Variants in RNF111 observed in about 807,000 individuals in gnomAD.
RNF111 encodes the protein E3 ubiquitin-protein ligase Arkadia.
Under a neutral mutation model 95.1 loss-of-function variants are expected in RNF111, and 17 were observed. That is an observed-to-expected ratio of 0.18 (90% CI 0.12 to 0.27). RNF111 has a LOEUF of 0.27. RNF111 is among the 10% of genes least tolerant of loss of function. The pLI is 1.00. For synonymous variants in RNF111, 440 were observed against 414.8 expected (o/e 1.06, Z -0.74); for missense variants, 1,189 against 1,210.4 (o/e 0.98, Z 0.26).
At chr15:59,055,611 G>C (rs2042170099) in intron 3 of RNF111, 71 bp from the exon 4 acceptor site, 6 of 1,172,254 alleles carry the variant, frequency 5.1e-6, no homozygotes, top group South Asian at 3.8e-5. Flanking sequence ...AGTAAGAAAG[G>C]CTTATGGGTT....
intron 1 of RNF111, among the ~76,000 whole-genome samples, chr15:58,988,739 A>G (rs545997775): frequency 6.6e-6 from 1 of 152,336 alleles, no homozygotes; most frequent in South Asian, 2.1e-4. Context: ...ATTATTCAAA[A>G]AATACCAGAA....
intron 2 of RNF111, among the ~76,000 whole-genome samples, chr15:59,043,240 C>T (rs1341593165): frequency 2.6e-5 from 4 of 151,728 alleles, no homozygotes; most frequent in Non-Finnish European, 5.9e-5. Context: ...CTGCAGCCTC[C>T]GCCTCCAGGG....
intron 2 of RNF111, among the ~76,000 whole-genome samples, chr15:59,034,836 T>C (rs1241698088): frequency 6.6e-6 from 1 of 152,248 alleles, no homozygotes; most frequent in African/African-American, 2.4e-5. Context: ...ATTTACTACA[T>C]GTTAATATGA....
At chr15:59,084,928 T>C (rs1436995336) in intron 9 of RNF111, among the ~76,000 whole-genome samples, 23 of 152,210 alleles carry the variant, frequency 1.5e-4, no homozygotes, top group African/African-American at 5.5e-4. Context: ...ATCTTACTTT[T>C]CACATCTTCT....
At chr15:59,015,643 A>G (rs2040029465) in intron 1 of RNF111, among the ~76,000 whole-genome samples, 1 of 151,846 alleles carries the variant, frequency 6.6e-6, no homozygotes, top group South Asian at 2.1e-4. Flanking sequence ...AAAAAGAACA[A>G]AAGAACCTAC....
At chr15:59,073,073 G>A (rs1461227009) in intron 6 of RNF111, among the ~76,000 whole-genome samples, 1 of 152,094 alleles carries the variant, frequency 6.6e-6, no homozygotes. Context: ...TTGGGAGGCT[G>A]AAGTTGGGAG....
At chr15:59,046,043 T>C (rs1250353277) in intron 2 of RNF111, among the ~76,000 whole-genome samples, 2 of 152,240 alleles carry the variant, frequency 1.3e-5, no homozygotes, top group South Asian at 2.1e-4. Context: ...ATAAATGTTA[T>C]GTTTTCTAAT....
intron 1 of RNF111, among the ~76,000 whole-genome samples, chr15:59,017,420 A>G (rs887048202): frequency 6.6e-6 from 1 of 152,192 alleles, no homozygotes; most frequent in African/African-American, 2.4e-5. Flanking sequence ...ATTTCGAAAT[A>G]TGGTTTAATT....
rs1030980152 is a variant in RNF111 at position 59,095,780 on chromosome 15, T to C, written c.*880T>C. ...AAAAAGACATGTAGAATTTGTTGTC[T>C]TCTGCTAAGCACGAAAAGTTAAGAT... On this transcript the variant is annotated 3_prime_UTR_variant, in exon 14 of 14. Coordinates refer to ENST00000348370, the MANE Select transcript of RNF111 (RefSeq NM_017610.8). The C allele has an allele frequency of 5.3e-6, 2 of 380,028 alleles. No individual in the cohort carries two copies. The highest frequency in any genetic ancestry group is 9.3e-6 in the Non-Finnish European group (2 of 214,784). 23.5% of individuals were successfully genotyped at this position (380,028 alleles called of 1,614,324 possible).
At chr15:59,058,106 T>G (rs1362108011) in intron 4 of RNF111, among the ~76,000 whole-genome samples, 1 of 152,242 alleles carries the variant, frequency 6.6e-6, no homozygotes, top group Non-Finnish European at 1.5e-5. Flanking sequence ...GAAAAACTGT[T>G]AAATCACCTA....
Position 59,084,266 on chromosome 15 carries a change from C to G in RNF111, c.2423+12C>G, listed in dbSNP as rs1566942591. The G allele has an allele frequency of 6.4e-7, 1 of 1,566,684 alleles. No homozygotes were observed. ...GAGAGGTCTGCCTGGTCAGTATCTT[C>G]TTTAATTTCAAAACAGTGCTTCACA... On this transcript the variant is annotated intron_variant, in intron 9 of 13. Coordinates refer to ENST00000348370, the MANE Select transcript of RNF111 (RefSeq NM_017610.8).
chr15:59,046,910 C>T (rs1370639256), intron 2 of RNF111, among the ~76,000 whole-genome samples: 3 of 151,952 alleles, frequency 2.0e-5, no homozygotes, highest in Admixed American at 6.6e-5. Context: ...CTCTGTTGTC[C>T]AGGCTGGAGT....
rs535610926 is a variant in RNF111, at chr15:59,079,085, A to G, written c.1949-1851A>G. Reference sequence around the variant, plus strand: ...AGAGGAAGGGAAAGGGTTTTTGGGAATGTGGAATATGTCACTCTTAAAATG... The same window carrying G: ...AGAGGAAGGGAAAGGGTTTTTGGGAGTGTGGAATATGTCACTCTTAAAATG... On this transcript the variant is annotated intron_variant, in intron 7 of 13. Coordinates refer to ENST00000348370, the MANE Select transcript of RNF111 (RefSeq NM_017610.8). Among the ~76,000 whole-genome samples, 4 of 152,304 alleles carry G rather than the reference A, an allele frequency of 2.6e-5. No homozygotes were observed. In the South Asian group the frequency reaches 8.3e-4, roughly 32 times the overall value.
chr15:59,058,403 A>T lies in RNF111; in HGVS notation c.1219A>T (p.Thr407Ser). 1 of 1,614,120 alleles carries T rather than the reference A, an allele frequency of 6.2e-7. No individual in the cohort carries two copies. ...TTSARMESQA[T>S]SASINNSNPS... is the part of the protein sequence containing the mutation. ...TTCTGCAAGAATGGAATCACAAGCTACTAGCGCTTCCATTAACAATTCAAA... is the reference window on the plus strand; with the variant it reads ...TTCTGCAAGAATGGAATCACAAGCTTCTAGCGCTTCCATTAACAATTCAAA... The change falls in exon 5 of 14, where the codon ACT (threonine) becomes TCT (serine). Residue 407 changes from threonine to serine, a missense_variant. Thr to Ser is a moderately conservative substitution (Grantham distance 58). Around this residue, in one of 2 missense-constraint regions of RNF111, gnomAD observed 1,024 missense variants for 925.9 expected, o/e 1.11. Transcript: ENST00000348370.
intron 7 of RNF111, among the ~76,000 whole-genome samples, 154 bp from the exon 8 acceptor site, chr15:59,080,782 A>G (rs1291818754): frequency 1.3e-5 from 2 of 152,210 alleles, no homozygotes; most frequent in Non-Finnish European, 2.9e-5. Context: ...GAAGGGAGCA[A>G]GTTGCTTGAG....
chr15:58,991,542 A>G (rs892903856), intron 1 of RNF111, among the ~76,000 whole-genome samples: 2 of 152,094 alleles, frequency 1.3e-5, no homozygotes, highest in Non-Finnish European at 2.9e-5. Flanking sequence ...TACGGCATGG[A>G]TGGAAGTGGT....
rs139882098 is a variant in RNF111 at position 59,048,901 on chromosome 15, G to A, written c.881-3404G>A. On this transcript the variant is annotated intron_variant, in intron 2 of 13. Coordinates refer to ENST00000348370, the MANE Select transcript of RNF111 (RefSeq NM_017610.8). The stretch of plus-strand genomic sequence containing the variant: ...AGCCTAGGAGTTCGAGACCAGCCTG[G>A]GCAGTGTACTAAGATCCTGTCTCTT... Among the ~76,000 whole-genome samples, 625 of 152,058 alleles carry A rather than the reference G, an allele frequency of 4.1e-3. 7 individuals carry two copies. Among genetic ancestry groups the A allele is most frequent in the Non-Finnish European group, 6.5e-3 (443 of 68,006 alleles).
Position 59,031,045 on chromosome 15 carries a change from G to C in RNF111, c.223G>C (p.Glu75Gln), listed in dbSNP as rs745923008. Residue 75 changes from glutamate to glutamine, a missense_variant, in exon 2 of 14, where the codon GAG (glutamate) becomes CAG (glutamine). By Grantham distance (29) the Glu-to-Gln change is conservative. This residue lies in a region of RNF111 where 1,024 missense variants were observed against 925.9 expected (regional missense o/e 1.11). Transcript: ENST00000348370. ...SHLCDDSQKQ[E>Q]KEMNGNQQEQ... ...CCTGTGTGATGATTCTCAAAAGCAA[G>C]AGAAGGAAATGAATGGTAACCAGCA... is the stretch of plus-strand genomic sequence containing the variant. 4.3e-6 allele frequency: 7 copies of C among 1,614,112 alleles called. No individual in the cohort carries two copies. The Admixed American group carries it at 5.0e-5, about 12-fold the overall frequency.
rs1242368241 is a variant in RNF111, at chr15:59,031,217, C to A, written c.395C>A (p.Ser132Tyr). ...LGTPSDEDND[S>Y]SFSDCLSSPS... ...ACACCAAGTGATGAAGATAATGATT[C>A]CTCTTTTAGTGATTGTCTTTCTTCT... The change falls in exon 2 of 14, where the codon TCC becomes TAC. Residue 132 changes from serine (S) to tyrosine (Y), a missense_variant. This residue lies in a region of RNF111 where 1,024 missense variants were observed against 925.9 expected (regional missense o/e 1.11). Coordinates refer to ENST00000348370, the MANE Select transcript of RNF111 (RefSeq NM_017610.8). The A allele has an allele frequency of 3.1e-6, 5 of 1,614,152 alleles. No individual in the cohort carries two copies. The highest frequency in any genetic ancestry group is 4.2e-6 in the Non-Finnish European group (5 of 1,180,014).
Sources: allele counts gnomAD v4.1 joint callset (sites outside exome capture counted in the v4.1 genomes callset), GRCh38; gene constraint gnomAD v4.1.1; regional missense constraint gnomAD v4.1.1; transcripts MANE v1.5; gene names NCBI Gene and HGNC (gene_info 2026-07-23, HGNC 2026-07-21).